The following ZFP3 variants were observed in gnomAD, a reference collection of about 807,000 sequenced individuals.
ZFP3 encodes the protein ZFP3 zinc finger protein, also known as zinc finger protein 3 homolog.
A neutral mutation model predicts 36.7 loss-of-function variants in ZFP3; 18 were observed. The ratio of observed to expected loss-of-function variants is 0.49; its 90% confidence interval spans 0.34 to 0.73. The LOEUF (loss-of-function observed/expected upper bound fraction) is 0.73, where lower values mean the gene tolerates loss of function less well. Ranked by LOEUF, ZFP3 falls within the 30% of genes least tolerant of loss-of-function variation. The probability of loss-of-function intolerance (pLI) is 0.01; values close to 1 mark genes in which losing one functional copy is unlikely to be tolerated. For synonymous variants in ZFP3, 218 were observed against 199.0 expected, an observed-to-expected ratio of 1.10 and a Z score of -0.81; for missense variants, 495 against 599.0, an observed-to-expected ratio of 0.83 and a Z score of 1.81.
At chr17:5,085,924 G>A (rs2072118656) in intron 1 of ZFP3, among the ~76,000 whole-genome samples, 1 of 152,184 alleles carries the variant, frequency 6.6e-6, no homozygotes, top group Non-Finnish European at 1.5e-5. Flanking sequence ...TGTGGAACTT[G>A]CTCTTGGGTA....
At chr17:5,081,636 C>G (rs981359535) in intron 1 of ZFP3, among the ~76,000 whole-genome samples, 6 of 151,128 alleles carry the variant, frequency 4.0e-5, no homozygotes, top group Non-Finnish European at 5.9e-5. Context: ...GAGTCTCGCT[C>G]TATCACCCAG....
chr17:5,091,204 T>C (rs140155990), intron 1 of ZFP3, among the ~76,000 whole-genome samples: 1 of 152,202 alleles, frequency 6.6e-6, no homozygotes. Context: ...CTGGATCTTC[T>C]CTTTGGCAGC....
chr17:5,085,898 G>A (rs2072118531), intron 1 of ZFP3, among the ~76,000 whole-genome samples: 1 of 152,194 alleles, frequency 6.6e-6, no homozygotes, highest in Non-Finnish European at 1.5e-5. Context: ...AGCAGATGGA[G>A]ACTGAAATGG....
chr17:5,092,662 T>C lies in ZFP3; in HGVS notation c.1158T>C (p.Ile386=). The change falls in exon 2 of 2, where the codon ATT becomes ATC. Residue 386 remains isoleucine, a synonymous_variant. Coordinates refer to ENST00000318833, the MANE Select transcript of ZFP3 (RefSeq NM_153018.3). The surrounding 1 kb of genome is among the most constrained non-coding windows in gnomAD (Gnocchi z 5.0). ...GNSELLRHER[I]HTGEKPYECF... Reference sequence around the variant, plus strand: ...CAGAACTTCTTAGACATGAGAGAATTCACACTGGAGAGAAACCCTATGAAT... The same window carrying C: ...CAGAACTTCTTAGACATGAGAGAATCCACACTGGAGAGAAACCCTATGAAT... 1 of 1,614,082 alleles carries C rather than the reference T, an allele frequency of 6.2e-7. No homozygotes were observed. The highest frequency in any genetic ancestry group is 8.5e-7 in the Non-Finnish European group (1 of 1,180,008).
intron 1 of ZFP3, among the ~76,000 whole-genome samples, chr17:5,085,667 C>T (rs2072117379): frequency 6.6e-6 from 1 of 152,162 alleles, no homozygotes; most frequent in Non-Finnish European, 1.5e-5. Flanking sequence ...CACACCCGGC[C>T]CTGAATTTGA....
At chr17:5,086,316 A>G (rs966577829) in intron 1 of ZFP3, among the ~76,000 whole-genome samples, 55 of 152,282 alleles carry the variant, frequency 3.6e-4, no homozygotes, top group Non-Finnish European at 4.4e-4. Flanking sequence ...TTAGTAACCA[A>G]CATCCTGTGG....
At chr17:5,091,278 C>T (rs778107674) in intron 1 of ZFP3, among the ~76,000 whole-genome samples, 25 of 151,976 alleles carry the variant, frequency 1.6e-4, no homozygotes, top group South Asian at 2.1e-4. Flanking sequence ...GAGAGGGTCT[C>T]GCCCTGTCAC....
chr17:5,091,761 G>T lies in ZFP3; in HGVS notation c.257G>T (p.Arg86Leu), dbSNP rs147286912. The change falls in exon 2 of 2, where the codon CGG becomes CTG. Residue 86 changes from arginine to leucine, a missense_variant. By Grantham distance (102) the Arg-to-Leu change is moderately radical. Transcript: ENST00000318833. ...AAATCACCCTCAAGTGAGAAAGACC[G>T]GGAGAATAATGAGAGTGAGAGAGGC... ...FKKSPSSEKD[R>L]ENNESERGCS... is the part of the protein sequence containing the mutation. The T allele has an allele frequency of 5.6e-6, 9 of 1,614,064 alleles. No homozygotes were observed. Among genetic ancestry groups the T allele is most frequent in the Admixed American group, 1.7e-5 (1 of 60,002 alleles).
At position 5,092,528 on chromosome 17, in the gene ZFP3, TG is replaced by T. The variant is rs780250929; in HGVS notation, c.1025del (p.Cys342LeufsTer205). 6.2e-7 allele frequency: 1 copy of T among 1,614,028 alleles called. No homozygotes were observed. The highest frequency in any genetic ancestry group is 1.3e-5 in the African/African-American group (1 of 74,916). On this transcript the variant is annotated frameshift_variant, in exon 2 of 2. Transcript: ENST00000318833. LOFTEE classifies it high-confidence loss of function. This position sits in a 1 kb window ranked among gnomAD's most constrained non-coding sequence, Gnocchi z 5.0. ...GGACAAACCCTATGAATGTAATGAA[TG>T]TGGGAAAACTTTTGGCCAGAACTCA... ...TGDKPYECNE[C>X]GKTFGQNSEI...
At chr17:5,086,191 A>G (rs992174602) in intron 1 of ZFP3, among the ~76,000 whole-genome samples, 2 of 152,136 alleles carry the variant, frequency 1.3e-5, no homozygotes, top group Non-Finnish European at 2.9e-5. Flanking sequence ...TAGCACAAAG[A>G]GCTTCTAAGA....
chr17:5,083,320 C>T (rs911848286), intron 1 of ZFP3, among the ~76,000 whole-genome samples: 4 of 151,986 alleles, frequency 2.6e-5, no homozygotes, highest in South Asian at 2.1e-4. Context: ...CACTTTGGGA[C>T]GCCGAGGTGG....
intron 1 of ZFP3, among the ~76,000 whole-genome samples, chr17:5,081,695 G>A (rs946202381): frequency 4.6e-5 from 7 of 151,244 alleles, no homozygotes; most frequent in African/African-American, 1.5e-4. Context: ...TCTGCCTCCC[G>A]GGTTCACGCC....
intron 1 of ZFP3, among the ~76,000 whole-genome samples, chr17:5,083,112 G>A (rs1221092231): frequency 6.6e-6 from 1 of 151,772 alleles, no homozygotes; most frequent in African/African-American, 2.4e-5. Flanking sequence ...GGAGGGGAGG[G>A]GCAATCTAGA....
In ZFP3 at chr17:5,095,207, G is replaced by C. The variant is rs903412776; in HGVS notation, c.*2194G>C. On this transcript the variant is annotated 3_prime_UTR_variant, in exon 2 of 2. Transcript: ENST00000318833. ...GTACTCCAATATAGGTGTCTTCCCAGGTTTATATCCTTGGCTTGAGAAAAG... is the reference window on the plus strand; with the variant it reads ...GTACTCCAATATAGGTGTCTTCCCACGTTTATATCCTTGGCTTGAGAAAAG... 6.0e-6 allele frequency: 1 copy of C among 167,034 alleles called. No homozygotes were observed. The highest frequency in any genetic ancestry group is 2.4e-5 in the African/African-American group (1 of 41,434). 10.3% of individuals were successfully genotyped at this position (167,034 alleles called of 1,614,324 possible). A position where few individuals can be genotyped will look rare whatever the true frequency, so the allele number is the denominator to read the frequency against.
At chr17:5,085,376 T>C (rs1371231825) in intron 1 of ZFP3, among the ~76,000 whole-genome samples, 1 of 147,968 alleles carries the variant, frequency 6.8e-6, no homozygotes, top group Admixed American at 6.7e-5. Flanking sequence ...TGAGTTTTGT[T>C]TTTTTTTTTT....
rs912122730 is a variant in ZFP3 at position 5,095,722 on chromosome 17, C to A, written c.*2709C>A. On this transcript the variant is annotated 3_prime_UTR_variant, in exon 2 of 2. Coordinates refer to ENST00000318833, the MANE Select transcript of ZFP3 (RefSeq NM_153018.3). ...GTCCTCCCCTCTCAAGGCTCAGTCACCTCAACTTCTTTTTGCCTACTAGAT... is the reference window on the plus strand; with the variant it reads ...GTCCTCCCCTCTCAAGGCTCAGTCAACTCAACTTCTTTTTGCCTACTAGAT... 6 of 165,902 alleles carry A rather than the reference C, an allele frequency of 3.6e-5. No homozygotes were observed. The highest frequency in any genetic ancestry group is 4.4e-5 in the Non-Finnish European group (3 of 67,956). 10.3% of individuals were successfully genotyped at this position (165,902 alleles called of 1,614,324 possible).
chr17:5,092,719 C>G lies in ZFP3; in HGVS notation c.1215C>G (p.Thr405=). The change falls in exon 2 of 2, where the codon ACC becomes ACG. Residue 405 remains threonine, a synonymous_variant. Coordinates refer to ENST00000318833, the MANE Select transcript of ZFP3 (RefSeq NM_153018.3). The surrounding 1 kb of genome is among the most constrained non-coding windows in gnomAD (Gnocchi z 5.0). ...CFECGKAFRR[T]SHLIVHQRIH... is the part of the protein sequence containing the mutation. ...AGTGTGGAAAGGCTTTCAGGCGGAC[C>G]TCTCACCTTATTGTCCACCAGAGAA... 2 of 1,613,858 alleles carry G rather than the reference C, an allele frequency of 1.2e-6. No homozygotes were observed. The highest frequency in any genetic ancestry group is 1.7e-6 in the Non-Finnish European group (2 of 1,179,946).
rs990535120 is a variant in ZFP3, at chr17:5,094,360, C to T, written c.*1347C>T. 6.0e-6 allele frequency: 1 copy of T among 167,110 alleles called. No individual in the cohort carries two copies. Among genetic ancestry groups the T allele is most frequent in the Non-Finnish European group, 1.5e-5 (1 of 68,124 alleles). The allele number at this position is 167,110 out of a possible 1,614,324, so 10.4% of individuals were successfully genotyped here. A position where few individuals can be genotyped will look rare whatever the true frequency, so the allele number is the denominator to read the frequency against. On this transcript the variant is annotated 3_prime_UTR_variant, in exon 2 of 2. Coordinates refer to ENST00000318833, the MANE Select transcript of ZFP3 (RefSeq NM_153018.3). ...AGCTACCATGCCCGGCCTTGAAATT[C>T]TTTCTTCGCTATGTCTGCATGTTTT...
In ZFP3 at chr17:5,092,022, A is replaced by G; in HGVS notation, c.518A>G (p.Glu173Gly). 1.2e-6 allele frequency: 2 copies of G among 1,614,234 alleles called. No individual in the cohort carries two copies. Among genetic ancestry groups the G allele is most frequent in the Middle Eastern group, 1.7e-4 (1 of 6,060 alleles). ...GGAGAAAAACCCTTTGAATGTAAAG[A>G]ATGTGGAAAGACATTTGGAACTAAT... ...HSGEKPFECKECGKTFGTNSS... is the reference protein window; with the variant it reads ...HSGEKPFECKGCGKTFGTNSS... The change falls in exon 2 of 2, where the codon GAA (glutamate) becomes GGA (glycine). Residue 173 changes from glutamate to glycine, a missense_variant. This residue lies in a region of ZFP3 where 229 missense variants were observed against 233.8 expected (regional missense o/e 0.98). Transcript: ENST00000318833. The surrounding 1 kb of genome is among the most constrained non-coding windows in gnomAD (Gnocchi z 5.0).
Sources: allele counts gnomAD v4.1 joint callset (sites outside exome capture counted in the v4.1 genomes callset), GRCh38; gene constraint gnomAD v4.1.1; regional missense constraint gnomAD v4.1.1; non-coding constraint Gnocchi (gnomAD v3.1); transcripts MANE v1.5; gene names NCBI Gene and HGNC (gene_info 2026-07-23, HGNC 2026-07-21).